Variants in LPP observed in about 807,000 individuals in gnomAD.
LPP encodes LIM domain containing preferred translocation partner in lipoma, also known as lipoma-preferred partner.
Under a neutral mutation model 60.4 loss-of-function variants are expected in LPP, and 38 were observed. That is an observed-to-expected ratio of 0.63 (90% CI 0.49 to 0.83). The LOEUF (loss-of-function observed/expected upper bound fraction) is 0.83. Ranked by LOEUF, LPP falls within the 40% of genes least tolerant of loss-of-function variation. LPP has a pLI of 0.00. For synonymous variants in LPP, 328 were observed against 290.8 expected, an observed-to-expected ratio of 1.13 and a Z score of -1.30; for missense variants, 902 against 783.6, an observed-to-expected ratio of 1.15 and a Z score of -1.80.
chr3:188,192,543 G>T (rs1728470117), intron 1 of LPP, among the ~76,000 whole-genome samples: 2 of 152,138 alleles, frequency 1.3e-5, no homozygotes, highest in South Asian at 4.1e-4. Flanking sequence ...AGCAAACATT[G>T]TTTCTAATCT....
intron 4 of LPP, among the ~76,000 whole-genome samples, chr3:188,430,470 G>A (rs558098725): frequency 3.3e-5 from 5 of 152,144 alleles, no homozygotes; most frequent in South Asian, 2.1e-4. Flanking sequence ...TGGTTGTACC[G>A]TGACTGAAAT....
At chr3:188,547,300 A>G (rs1826908051) in intron 6 of LPP, among the ~76,000 whole-genome samples, 1 of 152,202 alleles carries the variant, frequency 6.6e-6, no homozygotes, top group Non-Finnish European at 1.5e-5. Context: ...CAGGAAACAA[A>G]CAACACACAT....
intron 2 of LPP, among the ~76,000 whole-genome samples, chr3:188,286,370 G>A (rs1458498736): frequency 1.3e-5 from 2 of 152,054 alleles, no homozygotes; most frequent in Non-Finnish European, 2.9e-5. Flanking sequence ...AGGATGCTGT[G>A]GTGTGTTTGG....
chr3:188,469,643 T>G (rs982621988), intron 4 of LPP, among the ~76,000 whole-genome samples: 1 of 152,174 alleles, frequency 6.6e-6, no homozygotes, highest in Non-Finnish European at 1.5e-5. Flanking sequence ...TTTGTTTATT[T>G]GGCTTCTAGG....
intron 7 of LPP, among the ~76,000 whole-genome samples, chr3:188,665,825 C>G (rs1173000869): frequency 2.6e-5 from 4 of 152,150 alleles, no homozygotes; most frequent in Non-Finnish European, 5.9e-5. Flanking sequence ...CTAACTTGTC[C>G]TTTCCTTTGT....
At position 188,733,290 on chromosome 3, in the gene LPP, CGTGT is replaced by C. The variant is rs10576864; in HGVS notation, c.1240+24922_1240+24925del. Among the ~76,000 whole-genome samples, 958 of 146,878 alleles carry C rather than the reference CGTGT, an allele frequency of 6.5e-3. 13 individuals carry two copies. The highest frequency in any genetic ancestry group is 0.021 in the African/African-American group (850 of 40,096). On this transcript the variant is annotated intron_variant, in intron 8 of 11. Transcript: ENST00000617246. ...GAATCTTACTTTACTTCACCAAAAA[CGTGT>C]GTGTGTGTGTGTGTGTGTGTGTGTA...
intron 6 of LPP, among the ~76,000 whole-genome samples, chr3:188,545,224 T>C (rs1269654955): frequency 7.2e-6 from 1 of 138,020 alleles, no homozygotes; most frequent in African/African-American, 2.8e-5. Flanking sequence ...CTGCACAATG[T>C]GCACATGTAC....
At chr3:188,565,348 C>T (rs987748987) in intron 6 of LPP, among the ~76,000 whole-genome samples, 7 of 151,894 alleles carry the variant, frequency 4.6e-5, no homozygotes, top group African/African-American at 1.7e-4. Flanking sequence ...GGGACTTCAC[C>T]CCAGATGTTT....
intron 2 of LPP, among the ~76,000 whole-genome samples, chr3:188,228,340 A>G (rs538646293): frequency 7.2e-5 from 11 of 152,334 alleles, no homozygotes; most frequent in African/African-American, 2.4e-4. Context: ...TAGGTGCTGC[A>G]TGAATTTTCA....
At chr3:188,364,880 A>C (rs1320069422) in intron 3 of LPP, among the ~76,000 whole-genome samples, 1 of 152,144 alleles carries the variant, frequency 6.6e-6, no homozygotes, top group Non-Finnish European at 1.5e-5. Flanking sequence ...TTGTATTTAA[A>C]ATGAACAGAG....
intron 8 of LPP, among the ~76,000 whole-genome samples, chr3:188,751,972 A>G (rs1728224757): frequency 2.0e-5 from 3 of 152,220 alleles, no homozygotes; most frequent in African/African-American, 4.8e-5. Flanking sequence ...TCAGAGACAT[A>G]GGGACCTCTA....
chr3:188,387,165 A>G (rs560288400), intron 3 of LPP, among the ~76,000 whole-genome samples: 2 of 152,086 alleles, frequency 1.3e-5, no homozygotes, highest in Non-Finnish European at 1.5e-5. Flanking sequence ...TGAAGTTACA[A>G]CATTCTATCA....
At position 188,708,150 on chromosome 3, in the gene LPP, C is replaced by T. The variant is rs1865850795; in HGVS notation, c.1114-117C>T. ...AAACTAATTCTAAAACCCAGGTCTC[C>T]TGACAGCCACGTCCAGTGCTTTTTC... is the stretch of plus-strand genomic sequence containing the variant. On this transcript the variant is annotated intron_variant, in intron 7 of 11. Coordinates refer to ENST00000617246, the MANE Select transcript of LPP (RefSeq NM_001375462.1). 11 of 1,155,884 alleles carry T rather than the reference C, an allele frequency of 9.5e-6. No homozygotes were observed. The South Asian group carries it at 1.6e-4, about 17-fold the overall frequency. 71.6% of individuals were successfully genotyped at this position (1,155,884 alleles called of 1,614,324 possible).
At chr3:188,791,570 T>A (rs74585333) in intron 9 of LPP, among the ~76,000 whole-genome samples, 11 of 152,230 alleles carry the variant, frequency 7.2e-5, no homozygotes, top group African/African-American at 2.4e-4. Context: ...TTTTTTTTTT[T>A]ACCACTGTGA....
At chr3:188,455,120 A>G (rs188405172) in intron 4 of LPP, among the ~76,000 whole-genome samples, 1 of 152,322 alleles carries the variant, frequency 6.6e-6, no homozygotes, top group Non-Finnish European at 1.5e-5. Flanking sequence ...AGTGGGAGAT[A>G]GTTTAATAGA....
chr3:188,362,397 T>G (rs1423300281), intron 3 of LPP, among the ~76,000 whole-genome samples: 1 of 152,196 alleles, frequency 6.6e-6, no homozygotes, highest in Admixed American at 6.5e-5. Context: ...ATATCCTTTT[T>G]GCCGCTTCCT....
rs907214738 is a variant in LPP at position 188,875,060 on chromosome 3, A to G, written c.*581A>G. 9.1e-6 allele frequency: 2 copies of G among 220,796 alleles called. No individual in the cohort carries two copies. The highest frequency in any genetic ancestry group is 4.5e-5 in the African/African-American group (2 of 44,684). 13.7% of individuals were successfully genotyped at this position (220,796 alleles called of 1,614,324 possible). A position where few individuals can be genotyped will look rare whatever the true frequency, so the allele number is the denominator to read the frequency against. On this transcript the variant is annotated 3_prime_UTR_variant, in exon 12 of 12. Transcript: ENST00000617246. ...TAAGCTGTAAATTACATAAGTTAGA[A>G]CAAGCCCAAATTTAATTTGCAACCA...
chr3:188,491,837 A>G (rs563479519), intron 5 of LPP, among the ~76,000 whole-genome samples: 1 of 152,314 alleles, frequency 6.6e-6, no homozygotes, highest in Non-Finnish European at 1.5e-5. Flanking sequence ...TAGCCGACCT[A>G]GAGTCCAGGG....
intron 8 of LPP, among the ~76,000 whole-genome samples, chr3:188,733,090 A>C (rs1420714716): frequency 6.6e-6 from 1 of 152,132 alleles, no homozygotes; most frequent in South Asian, 2.1e-4. Flanking sequence ...TTCCTGCCAT[A>C]GTCAGGCCCA....
Sources: allele counts gnomAD v4.1 joint callset (sites outside exome capture counted in the v4.1 genomes callset), GRCh38; gene constraint gnomAD v4.1.1; transcripts MANE v1.5; gene names NCBI Gene and HGNC (gene_info 2026-07-23, HGNC 2026-07-21).